GRB10: variants seen among roughly 807,000 people sequenced by gnomAD.
The protein encoded by GRB10 is growth factor receptor-bound protein 10.
Under a neutral mutation model 80.9 loss-of-function variants are expected in GRB10, and 20 were observed. The ratio of observed to expected loss-of-function variants is 0.25; its 90% CI spans 0.17 to 0.36. The LOEUF (loss-of-function observed/expected upper bound fraction) is 0.36, where lower values mean the gene tolerates loss of function less well. Among genes scored for constraint, GRB10 ranks in the 10% least tolerant of loss-of-function variants. GRB10 has a pLI of 1.00. For missense variants in GRB10, 548 were observed against 747.7 expected (o/e 0.73, Z 3.12); for synonymous variants, 291 against 291.5 (o/e 1.00, Z 0.02).
chr7:50,615,382 C>T (rs28649115), intron 11 of GRB10, among the ~76,000 whole-genome samples: 9 of 152,176 alleles, frequency 5.9e-5, no homozygotes, highest in African/African-American at 1.2e-4. Context: ...GGACAGTGAG[C>T]GGGCCACACA....
intron 13 of GRB10, among the ~76,000 whole-genome samples, chr7:50,608,703 G>A (rs942252651): frequency 6.6e-6 from 1 of 152,134 alleles, no homozygotes; most frequent in African/African-American, 2.4e-5. Context: ...GGTGGTTCAC[G>A]CCTGTAATCC....
At chr7:50,618,816 G>A (rs1358149658) in intron 9 of GRB10, among the ~76,000 whole-genome samples, 2 of 152,234 alleles carry the variant, frequency 1.3e-5, no homozygotes, top group Non-Finnish European at 2.9e-5. Context: ...TTTGCTATTT[G>A]CAGAGAATAA....
chr7:50,669,558 C>T lies in GRB10; in HGVS notation c.504+164G>A, dbSNP rs116575595. Among the ~76,000 whole-genome samples the T allele has an allele frequency of 3.0e-3, 464 of 152,308 alleles. 2 individuals are homozygous for T. Among genetic ancestry groups the T allele is most frequent in the African/African-American group, 0.011 (445 of 41,568 alleles). On this transcript the variant is annotated intron_variant, in intron 7 of 18. Coordinates refer to ENST00000401949, the MANE Select transcript of GRB10 (RefSeq NM_001350814.2). The stretch of plus-strand genomic sequence containing the variant: ...GGAGGGGACAACATCCAAACTGTAT[C>T]GGCCTCATAGGACAACAAGTACTGT...
chr7:50,736,647 G>A (rs1314257698), intron 3 of GRB10, among the ~76,000 whole-genome samples: 2 of 152,156 alleles, frequency 1.3e-5, no homozygotes, highest in Non-Finnish European at 2.9e-5. Flanking sequence ...AGCCAGGCAT[G>A]GTCACGTGCA....
intron 7 of GRB10, among the ~76,000 whole-genome samples, chr7:50,656,706 C>T (rs1471576179): frequency 2.0e-5 from 3 of 152,314 alleles, no homozygotes; most frequent in African/African-American, 2.4e-5. Flanking sequence ...TGCTACCATG[C>T]GGTGCCTCTG....
At position 50,647,874 on chromosome 7, in the gene GRB10, T is replaced by C. The variant is rs552634925; in HGVS notation, c.505-20896A>G. 1.2e-4 allele frequency among the ~76,000 whole-genome samples: 19 copies of C among 152,044 alleles called. No homozygotes were observed. In the East Asian group the frequency reaches 3.3e-3, roughly 26 times the overall value. On this transcript the variant is annotated intron_variant, in intron 7 of 18. Coordinates refer to ENST00000401949, the MANE Select transcript of GRB10 (RefSeq NM_001350814.2). ...CTCAAAAGAGGAGTGAGGAAGGGAA[T>C]TGGGAATTCTGATGGGGGTACTGGT...
Position 50,592,623 on chromosome 7 carries a change from G to A in GRB10, c.*329C>T, listed in dbSNP as rs1397915689. On this transcript the variant is annotated 3_prime_UTR_variant, in exon 19 of 19. Transcript: ENST00000401949. ...TTGTCAAGATTATTCCAGGGCAAGAGTTCATTTCCAATCACTTCTCTCCGG... is the reference window on the plus strand; with the variant it reads ...TTGTCAAGATTATTCCAGGGCAAGAATTCATTTCCAATCACTTCTCTCCGG... 1 of 402,352 alleles carries A rather than the reference G, an allele frequency of 2.5e-6. No individual in the cohort carries two copies. Among genetic ancestry groups the A allele is most frequent in the African/African-American group, 2.0e-5 (1 of 49,510 alleles). The allele number at this position is 402,352 out of a possible 1,614,324, so 24.9% of individuals were successfully genotyped here.
intron 7 of GRB10, among the ~76,000 whole-genome samples, chr7:50,634,427 C>T (rs1439516440): frequency 6.6e-6 from 1 of 152,074 alleles, no homozygotes; most frequent in Admixed American, 6.6e-5. Context: ...TGATACTCAC[C>T]ATCATAACAG....
chr7:50,714,991 G>C (rs1563565052), intron 4 of GRB10, among the ~76,000 whole-genome samples: 1 of 152,004 alleles, frequency 6.6e-6, no homozygotes, highest in Non-Finnish European at 1.5e-5. Context: ...CTCAGAATTT[G>C]GAAATAACTC....
intron 7 of GRB10, among the ~76,000 whole-genome samples, chr7:50,660,581 G>A (rs746413055): frequency 5.3e-5 from 8 of 152,162 alleles, no homozygotes; most frequent in Middle Eastern, 3.4e-3. Context: ...TCCAAGTGCC[G>A]TGGGCAGGAG....
intron 5 of GRB10, among the ~76,000 whole-genome samples, chr7:50,682,189 C>A (rs775106916): frequency 1.3e-5 from 2 of 152,234 alleles, no homozygotes; most frequent in Admixed American, 6.5e-5. Flanking sequence ...CACCTCAGAA[C>A]GCCTGGAGCA....
At chr7:50,738,731 G>A (rs879447101) in intron 3 of GRB10, among the ~76,000 whole-genome samples, 49 of 152,318 alleles carry the variant, frequency 3.2e-4, no homozygotes, top group African/African-American at 1.0e-3. Context: ...CACAGATAAT[G>A]AGGAATAGTT....
intron 7 of GRB10, among the ~76,000 whole-genome samples, chr7:50,643,708 G>C (rs1185192127): frequency 6.6e-6 from 1 of 152,166 alleles, no homozygotes; most frequent in Non-Finnish European, 1.5e-5. Context: ...GGAGTAAAGG[G>C]ACTTGATATC....
At chr7:50,619,567 T>C (rs982601925) in intron 8 of GRB10, among the ~76,000 whole-genome samples, 2 of 152,234 alleles carry the variant, frequency 1.3e-5, no homozygotes, top group Non-Finnish European at 2.9e-5. Context: ...GTAAGACTCT[T>C]AGCAAATGAT....
chr7:50,668,686 G>A (rs567901651), intron 7 of GRB10, among the ~76,000 whole-genome samples: 22 of 152,314 alleles, frequency 1.4e-4, no homozygotes, highest in Admixed American at 3.9e-4. Flanking sequence ...ATCAGATGGC[G>A]CAGTTGTTCT....
chr7:50,713,159 G>C (rs1181178927), intron 4 of GRB10, among the ~76,000 whole-genome samples: 1 of 152,186 alleles, frequency 6.6e-6, no homozygotes, highest in Admixed American at 6.5e-5. Flanking sequence ...AAACCACCCT[G>C]TGTGAGTATA....
chr7:50,669,945 A>G, intron 6 of GRB10, 82 bp from the exon 7 acceptor site: 1 of 1,506,750 alleles, frequency 6.6e-7, no homozygotes, highest in Non-Finnish European at 9.0e-7. Flanking sequence ...TACACCCAGA[A>G]AGCAGGACAC....
At chr7:50,702,638 T>C (rs1326653119) in intron 5 of GRB10, among the ~76,000 whole-genome samples, 1 of 152,174 alleles carries the variant, frequency 6.6e-6, no homozygotes, top group Non-Finnish European at 1.5e-5. Flanking sequence ...GGTGTGGGGA[T>C]ACATCCAAGA....
intron 7 of GRB10, among the ~76,000 whole-genome samples, chr7:50,665,298 A>C (rs1348135207): frequency 1.3e-5 from 2 of 152,270 alleles, no homozygotes; most frequent in Non-Finnish European, 2.9e-5. Context: ...TAAACGCAAG[A>C]CCAATAGACT....
Sources: allele counts gnomAD v4.1 joint callset (sites outside exome capture counted in the v4.1 genomes callset), GRCh38; gene constraint gnomAD v4.1.1; transcripts MANE v1.5; gene names NCBI Gene and HGNC (gene_info 2026-07-23, HGNC 2026-07-21).